Variants in TTC6 observed in about 807,000 individuals in gnomAD.
The protein encoded by TTC6 is tetratricopeptide repeat protein 6.
Under a neutral mutation model 210.4 loss-of-function variants are expected in TTC6, and 172 were observed. The ratio of observed to expected loss-of-function variants is 0.82; its 90% CI spans 0.72 to 0.93. The LOEUF (loss-of-function observed/expected upper bound fraction) is 0.93. TTC6 is among the 40% of genes least tolerant of loss of function. TTC6 has a pLI of 0.00. For synonymous variants in TTC6, 804 were observed against 819.6 expected (o/e 0.98, Z 0.32); for missense variants, 2,414 against 2,318.1 (o/e 1.04, Z -0.85).
In TTC6 at chr14:37,795,369, T is replaced by G. The variant is rs2096090227; in HGVS notation, c.3791+17T>G. 7.4e-6 allele frequency: 11 copies of G among 1,476,518 alleles called. No individual in the cohort carries two copies. The East Asian group carries it at 7.7e-5, about 10-fold the overall frequency. 91.5% of individuals were successfully genotyped at this position (1,476,518 alleles called of 1,614,324 possible). On this transcript the variant is annotated intron_variant, in intron 18 of 30. Transcript: ENST00000553443. Reference sequence around the variant, plus strand: ...CATAAGAAGGTATGAGCATAGAAACTGAATTCTTCTTGGGATAACTTAGCA... The same window carrying G: ...CATAAGAAGGTATGAGCATAGAAACGGAATTCTTCTTGGGATAACTTAGCA...
chr14:37,677,803 T>C (rs1448066542), intron 1 of TTC6, among the ~76,000 whole-genome samples: 1 of 152,306 alleles, frequency 6.6e-6, no homozygotes, highest in East Asian at 1.9e-4. Flanking sequence ...TTCTGCAATG[T>C]CTTTCTCTTC....
intron 25 of TTC6, among the ~76,000 whole-genome samples, chr14:37,812,694 A>G (rs955729936): frequency 1.3e-5 from 2 of 151,526 alleles, no homozygotes; most frequent in African/African-American, 4.8e-5. Context: ...TTAAGGGAGT[A>G]CAGACAAAAC....
intron 1 of TTC6, among the ~76,000 whole-genome samples, chr14:37,604,691 A>T (rs903540676): frequency 2.6e-5 from 4 of 152,060 alleles, no homozygotes; most frequent in African/African-American, 9.7e-5. Flanking sequence ...GGAGATGAGG[A>T]AGAGGAAGAA....
intron 14 of TTC6, among the ~76,000 whole-genome samples, chr14:37,782,718 G>A (rs547443475): frequency 2.0e-4 from 31 of 152,284 alleles, no homozygotes; most frequent in Admixed American, 7.8e-4. Flanking sequence ...TTTTCAAAGG[G>A]AATGTTTCCA....
chr14:37,641,827 T>G (rs2095692333), intron 1 of TTC6, among the ~76,000 whole-genome samples: 1 of 152,192 alleles, frequency 6.6e-6, no homozygotes. Context: ...TGTCTAGAGC[T>G]GGGAGGTAAC....
intron 1 of TTC6, among the ~76,000 whole-genome samples, chr14:37,629,627 G>A (rs995561095): frequency 2.6e-5 from 4 of 152,176 alleles, no homozygotes; most frequent in African/African-American, 9.7e-5. Context: ...GCTCTGGCCA[G>A]AACTTCCAAT....
intron 6 of TTC6, among the ~76,000 whole-genome samples, chr14:37,720,712 T>C (rs1239108194): frequency 2.6e-5 from 4 of 152,202 alleles, no homozygotes; most frequent in African/African-American, 7.2e-5. Context: ...CTTAAGAGAA[T>C]TGGGCTGAAA....
At chr14:37,655,223 A>G (rs192079345) in intron 1 of TTC6, among the ~76,000 whole-genome samples, 7 of 152,224 alleles carry the variant, frequency 4.6e-5, no homozygotes, top group African/African-American at 1.7e-4. Flanking sequence ...AAAGATAAAT[A>G]TTTACGATAA....
intron 1 of TTC6, among the ~76,000 whole-genome samples, chr14:37,642,258 C>T (rs2095693282): frequency 6.6e-6 from 1 of 152,228 alleles, no homozygotes; most frequent in South Asian, 2.1e-4. Context: ...GCTCATAGTG[C>T]CCTGTGGTGT....
chr14:37,662,966 A>C (rs563755176), intron 1 of TTC6, among the ~76,000 whole-genome samples: 10 of 152,226 alleles, frequency 6.6e-5, no homozygotes, highest in African/African-American at 1.9e-4. Context: ...TGAATCTGCA[A>C]ATTGTTTTGG....
chr14:37,772,077 T>C (rs547635415), intron 14 of TTC6, among the ~76,000 whole-genome samples: 2 of 152,270 alleles, frequency 1.3e-5, no homozygotes, highest in Admixed American at 6.5e-5. Context: ...GAGGTGTCAG[T>C]GTGCCCCTGC....
intron 14 of TTC6, among the ~76,000 whole-genome samples, chr14:37,755,945 G>A (rs1350207171): frequency 6.6e-6 from 1 of 152,196 alleles, no homozygotes; most frequent in African/African-American, 2.4e-5. Flanking sequence ...ACTTTGGGCA[G>A]TATGGCCATT....
intron 1 of TTC6, among the ~76,000 whole-genome samples, chr14:37,652,220 T>C (rs950089240): frequency 2.0e-5 from 3 of 151,992 alleles, no homozygotes; most frequent in African/African-American, 7.3e-5. Context: ...GAAATTGCTG[T>C]TTTTATAGGT....
At chr14:37,784,533 TCTC>T (rs1156282174) in intron 14 of TTC6, among the ~76,000 whole-genome samples, 1 of 152,102 alleles carries the variant, frequency 6.6e-6, no homozygotes, top group Non-Finnish European at 1.5e-5. Flanking sequence ...TTGAGATGGG[TCTC>T]CTGAACACAG....
rs1043735662 is a variant in TTC6 at position 37,654,143 on chromosome 14, G to T, written c.940-26008G>T. Among the ~76,000 whole-genome samples the T allele has an allele frequency of 2.6e-5, 4 of 152,160 alleles. No homozygotes were observed. The East Asian group carries it at 5.8e-4, about 22-fold the overall frequency. On this transcript the variant is annotated intron_variant, in intron 1 of 30. Transcript: ENST00000553443. ...TGTAATCCCCAATACTGAAGGTGGG[G>T]CCTGTTGTGAGGGGACTGGATCATG...
At chr14:37,808,908 T>C in intron 24 of TTC6, 62 bp downstream of exon 26, 1 of 811,444 alleles carries the variant, frequency 1.2e-6, no homozygotes, top group Non-Finnish European at 2.0e-6. Flanking sequence ...ATGCATTTAA[T>C]AGCTTGTGGA....
At chr14:37,738,727 C>A (rs1337858235) in intron 9 of TTC6, 49 bp from the exon 12 acceptor site, 3 of 1,368,156 alleles carry the variant, frequency 2.2e-6, no homozygotes, top group Non-Finnish European at 2.9e-6. Flanking sequence ...GAATGCATAG[C>A]AACTAAATTG....
At chr14:37,738,925 T>C (rs936517336) in exon 10 of TTC6, 5 of 1,535,388 alleles carry the variant, frequency 3.3e-6, no homozygotes, top group Non-Finnish European at 4.4e-6. Context: ...AAAATAAAAC[T>C]GAGGAGCCCA....
At position 37,656,679 on chromosome 14, in the gene TTC6, CT is replaced by C. The variant is rs561518265; in HGVS notation, c.940-23469del. Among the ~76,000 whole-genome samples the C allele has an allele frequency of 3.3e-4, 50 of 152,108 alleles. No homozygotes were observed. The South Asian group carries it at 7.9e-3, about 24-fold the overall frequency. ...GAGGCTCCAGTGGGGATTCCAGAGACTTTCAGGCAGCAAATTTAAGGGTTTA... is the reference window on the plus strand; with the variant it reads ...GAGGCTCCAGTGGGGATTCCAGAGACTTCAGGCAGCAAATTTAAGGGTTTA... On this transcript the variant is annotated intron_variant, in intron 1 of 30. Transcript: ENST00000553443.
Sources: allele counts gnomAD v4.1 joint callset (sites outside exome capture counted in the v4.1 genomes callset), GRCh38; gene constraint gnomAD v4.1.1; transcripts MANE v1.5; gene names NCBI Gene and HGNC (gene_info 2026-07-23, HGNC 2026-07-21).